The following PDZD2 variants were observed in gnomAD, a reference collection of about 807,000 sequenced individuals.
The protein encoded by PDZD2 is PDZ domain-containing protein 2.
In PDZD2, 90 loss-of-function variants were observed where a neutral mutation model predicts 220.7. The observed-to-expected ratio is 0.41, with a 90% CI of 0.34 to 0.49. The LOEUF (loss-of-function observed/expected upper bound fraction) is 0.49. PDZD2 is among the 20% of genes least tolerant of loss of function. The probability of loss-of-function intolerance (pLI) is 0.28; values close to 1 mark genes in which losing one functional copy is unlikely to be tolerated. For synonymous variants in PDZD2, 1,375 were observed against 1,450.5 expected, an observed-to-expected ratio of 0.95 and a Z score of 1.18; for missense variants, 3,174 against 3,608.5, an observed-to-expected ratio of 0.88 and a Z score of 3.08.
rs1427642093 is a variant in PDZD2 at position 32,041,183 on chromosome 5, C to T, written c.1519+3841C>T. Among the ~76,000 whole-genome samples the T allele has an allele frequency of 3.0e-4, 43 of 144,468 alleles. 2 individuals carry two copies. Among genetic ancestry groups the T allele is most frequent in the African/African-American group, 1.1e-3 (43 of 38,580 alleles). The allele number at this position is 144,468 out of a possible 152,430, so 94.8% of individuals were successfully genotyped here. A position where few individuals can be genotyped will look rare whatever the true frequency, so the allele number is the denominator to read the frequency against. On this transcript the variant is annotated intron_variant, in intron 7 of 24. Coordinates refer to ENST00000438447, the MANE Select transcript of PDZD2 (RefSeq NM_178140.4). The stretch of plus-strand genomic sequence containing the variant: ...GCCGCCCCGTCTGGGAAGTGGGGAG[C>T]GCCTCTGCCCGGCCGCCCCGTCTGG...
At chr5:32,073,177 C>T (rs1007191769) in intron 17 of PDZD2, among the ~76,000 whole-genome samples, 1 of 152,080 alleles carries the variant, frequency 6.6e-6, no homozygotes, top group African/African-American at 2.4e-5. Context: ...GAGAGGCAGG[C>T]GACGACCACT....
chr5:31,814,748 T>G (rs1755324925), intron 2 of PDZD2, among the ~76,000 whole-genome samples: 1 of 149,856 alleles, frequency 6.7e-6, no homozygotes, highest in Non-Finnish European at 1.5e-5. Context: ...AACCTGGGAG[T>G]CAGAGGTTGC....
chr5:31,845,188 A>T (rs1461841453), intron 2 of PDZD2, among the ~76,000 whole-genome samples: 2 of 152,176 alleles, frequency 1.3e-5, no homozygotes, highest in Non-Finnish European at 2.9e-5. Flanking sequence ...AAAATACCTG[A>T]TTGAGAATCA....
At chr5:31,930,196 C>CTTT (rs760145512) in intron 2 of PDZD2, among the ~76,000 whole-genome samples, 8 of 102,504 alleles carry the variant, frequency 7.8e-5, no homozygotes, top group Non-Finnish European at 1.3e-4. Context: ...CTCAGGTATT[C>CTTT]TTTTTTTTTT....
At chr5:32,040,307 G>A (rs1375016893) in intron 7 of PDZD2, among the ~76,000 whole-genome samples, 9 of 135,104 alleles carry the variant, frequency 6.7e-5, no homozygotes, top group East Asian at 4.8e-4. Flanking sequence ...GGAAGTGGGG[G>A]GCGCCTCTGC....
intron 2 of PDZD2, among the ~76,000 whole-genome samples, chr5:31,858,833 C>T (rs1000929314): frequency 2.0e-5 from 3 of 152,082 alleles, no homozygotes; most frequent in African/African-American, 7.2e-5. Context: ...ATTCTTGTGC[C>T]TCAGCCTCCC....
In PDZD2 at chr5:32,074,661, A is replaced by G. The variant is rs1216936109; in HGVS notation, c.3537+18A>G. 8 of 1,537,184 alleles carry G rather than the reference A, an allele frequency of 5.2e-6. No homozygotes were observed. Among genetic ancestry groups the G allele is most frequent in the Non-Finnish European group, 7.1e-6 (8 of 1,128,874 alleles). On this transcript the variant is annotated intron_variant, in intron 18 of 24. Transcript: ENST00000438447. ...TGGAGAAGGTAACTGACTTTCTCTT[A>G]GTTACTTGGAATGGAAGTGCATGAA...
intron 1 of PDZD2, among the ~76,000 whole-genome samples, chr5:31,785,602 A>G (rs967720047): frequency 1.3e-5 from 2 of 151,774 alleles, no homozygotes; most frequent in Non-Finnish European, 2.9e-5. Flanking sequence ...CACCAGACCC[A>G]GCTAATTTTT....
chr5:31,657,553 A>G (rs1170782956), intron 1 of PDZD2, among the ~76,000 whole-genome samples: 3 of 152,246 alleles, frequency 2.0e-5, no homozygotes, highest in Non-Finnish European at 4.4e-5. Flanking sequence ...CTTACAGGAA[A>G]GGCCAAGCCT....
intron 2 of PDZD2, among the ~76,000 whole-genome samples, chr5:31,966,971 G>A (rs1156931566): frequency 2.0e-5 from 3 of 152,216 alleles, no homozygotes; most frequent in African/African-American, 7.2e-5. Flanking sequence ...ACCTTAGCCA[G>A]AACATGTTGA....
intron 2 of PDZD2, among the ~76,000 whole-genome samples, chr5:31,912,652 G>A (rs1308071333): frequency 6.6e-6 from 1 of 152,182 alleles, no homozygotes; most frequent in African/African-American, 2.4e-5. Flanking sequence ...TAGCCGATAT[G>A]GCTAACAGTG....
At chr5:31,920,798 C>T (rs1744184005) in intron 2 of PDZD2, among the ~76,000 whole-genome samples, 1 of 152,154 alleles carries the variant, frequency 6.6e-6, no homozygotes, top group Non-Finnish European at 1.5e-5. Flanking sequence ...CAACACTTGG[C>T]ACCCAGGGAT....
chr5:31,996,231 T>G (rs1344536995), intron 4 of PDZD2, among the ~76,000 whole-genome samples: 2 of 152,068 alleles, frequency 1.3e-5, no homozygotes, highest in African/African-American at 4.8e-5. Flanking sequence ...GAAGGGAAAT[T>G]AAGTAAATGT....
rs978024307 is a variant in PDZD2, at chr5:32,098,730, C to G, written c.8218+96C>G. On this transcript the variant is annotated intron_variant, in intron 23 of 24. Coordinates refer to ENST00000438447, the MANE Select transcript of PDZD2 (RefSeq NM_178140.4). The surrounding 1 kb of genome is among the most constrained non-coding windows in gnomAD (Gnocchi z 4.1). Reference sequence around the variant, plus strand: ...AAGGAAAATAACAGCTAACTAACTTCTAGATCTGAAAAATTAAATGTAGCG... The same window carrying G: ...AAGGAAAATAACAGCTAACTAACTTGTAGATCTGAAAAATTAAATGTAGCG... The G allele has an allele frequency of 4.4e-6, 5 of 1,128,912 alleles. No individual in the cohort carries two copies. The highest frequency in any genetic ancestry group is 3.7e-6 in the Non-Finnish European group (3 of 802,514). The allele number at this position is 1,128,912 out of a possible 1,614,324, so 69.9% of individuals were successfully genotyped here. A position where few individuals can be genotyped will look rare whatever the true frequency, so the allele number is the denominator to read the frequency against.
intron 1 of PDZD2, among the ~76,000 whole-genome samples, chr5:31,691,281 C>T (rs997403688): frequency 1.7e-4 from 25 of 151,180 alleles, no homozygotes; most frequent in African/African-American, 4.4e-4. Context: ...CTCGTGGTCT[C>T]GCTGGCTTCA....
At chr5:31,709,396 A>C (rs1262985842) in intron 1 of PDZD2, among the ~76,000 whole-genome samples, 2 of 151,728 alleles carry the variant, frequency 1.3e-5, no homozygotes, top group Non-Finnish European at 2.9e-5. Context: ...CTGAGGCAGG[A>C]GGATAGTTTG....
chr5:31,731,467 G>A (rs1024402223), intron 1 of PDZD2, among the ~76,000 whole-genome samples: 3 of 152,078 alleles, frequency 2.0e-5, no homozygotes, highest in Admixed American at 6.6e-5. Flanking sequence ...TCCATTAAGC[G>A]GTCACTCGCT....
chr5:31,719,827 G>C (rs253925), intron 1 of PDZD2, among the ~76,000 whole-genome samples: 85,306 of 152,036 alleles, frequency 0.56, 24,159 homozygotes, highest in East Asian at 0.78. Context: ...ACTAGTGATA[G>C]AGAAGTAAAT....
rs148310993 is a variant in PDZD2 at position 31,927,778 on chromosome 5, C to T, written c.477-55377C>T. The stretch of plus-strand genomic sequence containing the variant: ...ATCTATGCTTATCTTTTTCAATGGA[C>T]CTAATAGTCATTAATGGACCTTGAT... On this transcript the variant is annotated intron_variant, in intron 2 of 24. Transcript: ENST00000438447. Among the ~76,000 whole-genome samples, 775 of 152,260 alleles carry T rather than the reference C, an allele frequency of 5.1e-3. 9 individuals carry two copies. Among genetic ancestry groups the T allele is most frequent in the African/African-American group, 0.018 (741 of 41,546 alleles).
Sources: allele counts gnomAD v4.1 joint callset (sites outside exome capture counted in the v4.1 genomes callset), GRCh38; gene constraint gnomAD v4.1.1; non-coding constraint Gnocchi (gnomAD v3.1); transcripts MANE v1.5; gene names NCBI Gene and HGNC (gene_info 2026-07-23, HGNC 2026-07-21).